HIVEP1: variants seen among roughly 807,000 people sequenced by gnomAD.
HIVEP1 encodes HIVEP zinc finger 1, also known as zinc finger protein 40.
A neutral mutation model predicts 180.0 loss-of-function variants in HIVEP1; 36 were observed. That is an observed-to-expected ratio of 0.20 (90% CI 0.15 to 0.26). The LOEUF is 0.26. Among genes scored for constraint, HIVEP1 ranks in the 10% least tolerant of loss-of-function variants. HIVEP1 has a pLI of 1.00. For synonymous variants in HIVEP1, 1,239 were observed against 1,239.0 expected, an observed-to-expected ratio of 1.00 and a Z score of 0.00; for missense variants, 3,143 against 3,268.7, an observed-to-expected ratio of 0.96 and a Z score of 0.94.
rs542485759 is a variant in HIVEP1 at position 12,150,346 on chromosome 6, C to T, written c.6488-11093C>T. 9.9e-5 allele frequency among the ~76,000 whole-genome samples: 15 copies of T among 152,258 alleles called. No homozygotes were observed. The East Asian group carries it at 1.5e-3, about 16-fold the overall frequency. Reference sequence around the variant, plus strand: ...TCAACAAATGCTGGACTTCAGTGCACGGAATGTTAATGTGTACCCTCAGCC... The same window carrying T: ...TCAACAAATGCTGGACTTCAGTGCATGGAATGTTAATGTGTACCCTCAGCC... On this transcript the variant is annotated intron_variant, in intron 7 of 8. Transcript: ENST00000379388.
intron 3 of HIVEP1, among the ~76,000 whole-genome samples, chr6:12,108,305 T>C (rs1204279724): frequency 6.6e-6 from 1 of 152,206 alleles, no homozygotes; most frequent in African/African-American, 2.4e-5. Context: ...CCCACCAGAC[T>C]CAGGAGCCCA....
At chr6:12,109,985 A>G (rs1774780766) in intron 3 of HIVEP1, among the ~76,000 whole-genome samples, 2 of 152,260 alleles carry the variant, frequency 1.3e-5, no homozygotes, top group Non-Finnish European at 1.5e-5. Flanking sequence ...TGAAAACAAC[A>G]TTCATCTTCT....
chr6:12,081,600 G>C (rs970440446), intron 2 of HIVEP1, among the ~76,000 whole-genome samples: 1 of 151,904 alleles, frequency 6.6e-6, no homozygotes, highest in Non-Finnish European at 1.5e-5. Flanking sequence ...TTGATGCCCT[G>C]CTCTGCTTTC....
intron 2 of HIVEP1, among the ~76,000 whole-genome samples, chr6:12,016,863 C>T (rs570763353): frequency 6.6e-6 from 1 of 152,290 alleles, no homozygotes; most frequent in African/African-American, 2.4e-5. Flanking sequence ...GTAGGAAAAG[C>T]CTCCAGACCC....
chr6:12,185,673 A>G, the HIVEP1 span, among the ~76,000 whole-genome samples: 1 of 152,250 alleles, frequency 6.6e-6, no homozygotes, highest in Admixed American at 6.5e-5. Flanking sequence ...ATGAATGGTT[A>G]ATAAGCACAT....
At chr6:12,179,277 G>C in the HIVEP1 span, among the ~76,000 whole-genome samples, 1 of 152,136 alleles carries the variant, frequency 6.6e-6, no homozygotes, top group Non-Finnish European at 1.5e-5. Context: ...ACTGAGGAAG[G>C]TGATAATGGA....
At chr6:12,098,522 A>G (rs1282897951) in intron 3 of HIVEP1, among the ~76,000 whole-genome samples, 1 of 152,194 alleles carries the variant, frequency 6.6e-6, no homozygotes, top group African/African-American at 2.4e-5. Flanking sequence ...CTGTTCATCT[A>G]TTTAGGCTTT....
Position 12,161,851 on chromosome 6 carries a change from T to G in HIVEP1, c.6900T>G (p.His2300Gln). 1 of 1,614,002 alleles carries G rather than the reference T, an allele frequency of 6.2e-7. No homozygotes were observed. Among genetic ancestry groups the G allele is most frequent in the Non-Finnish European group, 8.5e-7 (1 of 1,179,944 alleles). The change falls in exon 8 of 9, where the codon CAT (histidine) becomes CAG (glutamine). Residue 2300 changes from histidine to glutamine, a missense_variant. Transcript: ENST00000379388. ...TAGACACTTCCAGGTCCCCGTGTCA[T>G]CAGATGTCTGTGGACTACCCTGAGT... ...PSVDTSRSPC[H>Q]QMSVDYPESE...
At chr6:12,036,209 A>G (rs1769267871) in intron 2 of HIVEP1, among the ~76,000 whole-genome samples, 1 of 152,240 alleles carries the variant, frequency 6.6e-6, no homozygotes, top group Admixed American at 6.5e-5. Context: ...TTGTTCAAAG[A>G]GCTTGATTTT....
chr6:12,150,596 A>T (rs115535148), intron 7 of HIVEP1, among the ~76,000 whole-genome samples: 3 of 152,300 alleles, frequency 2.0e-5, no homozygotes, highest in Non-Finnish European at 4.4e-5. Flanking sequence ...TATAGAACAC[A>T]TTATTACTCT....
chr6:12,193,848 T>C, the HIVEP1 span, among the ~76,000 whole-genome samples: 2 of 152,236 alleles, frequency 1.3e-5, no homozygotes, highest in Admixed American at 6.5e-5. Context: ...CAAATACTAC[T>C]TCAAACTGGC....
intron 2 of HIVEP1, among the ~76,000 whole-genome samples, chr6:12,017,926 A>G (rs1317630512): frequency 6.6e-6 from 1 of 152,012 alleles, no homozygotes; most frequent in Non-Finnish European, 1.5e-5. Flanking sequence ...TGCCTGCACT[A>G]CTCAGCCCTT....
At chr6:12,108,102 A>G (rs533621792) in intron 3 of HIVEP1, among the ~76,000 whole-genome samples, 2 of 152,078 alleles carry the variant, frequency 1.3e-5, no homozygotes, top group Admixed American at 6.5e-5. Flanking sequence ...TATATTTACA[A>G]TCCCTGAGCT....
At chr6:12,127,550 G>A (rs542174794) in intron 4 of HIVEP1, among the ~76,000 whole-genome samples, 1 of 152,248 alleles carries the variant, frequency 6.6e-6, no homozygotes, top group African/African-American at 2.4e-5. Flanking sequence ...GCTTAGGAGA[G>A]AGCTCTGGAT....
At chr6:12,105,732 T>C (rs1774383859) in intron 3 of HIVEP1, among the ~76,000 whole-genome samples, 1 of 152,140 alleles carries the variant, frequency 6.6e-6, no homozygotes, top group South Asian at 2.1e-4. Context: ...ACACACTCCT[T>C]AGTTTTTATG....
In HIVEP1 at chr6:12,124,050, G is replaced by A; in HGVS notation, c.4255G>A (p.Val1419Met). The A allele has an allele frequency of 1.2e-6, 2 of 1,614,096 alleles. No individual in the cohort carries two copies. The highest frequency in any genetic ancestry group is 1.1e-5 in the South Asian group (1 of 91,064). ...SPSRVGVTGH[V>M]PLLERRRGPL... Reference sequence around the variant, plus strand: ...TTCTCGAGTGGGAGTGACTGGGCATGTGCCTCTCTTAGAAAGAAGGAGAGG... The same window carrying A: ...TTCTCGAGTGGGAGTGACTGGGCATATGCCTCTCTTAGAAAGAAGGAGAGG... Residue 1419 changes from valine to methionine, a missense_variant, in exon 4 of 9, where the codon GTG becomes ATG. By Grantham distance (21) the Val-to-Met change is conservative. Coordinates refer to ENST00000379388, the MANE Select transcript of HIVEP1 (RefSeq NM_002114.4).
intron 3 of HIVEP1, among the ~76,000 whole-genome samples, chr6:12,111,361 G>A (rs78389741): frequency 5.9e-5 from 9 of 152,188 alleles, no homozygotes; most frequent in Non-Finnish European, 1.2e-4. Context: ...CTTTTGCTGC[G>A]TAACAAATTC....
intron 3 of HIVEP1, among the ~76,000 whole-genome samples, chr6:12,111,308 A>G (rs899741574): frequency 2.0e-5 from 3 of 152,272 alleles, no homozygotes; most frequent in Non-Finnish European, 4.4e-5. Flanking sequence ...AAAGCACAGT[A>G]TCTGCGAAGC....
chr6:12,107,358 C>G (rs920639292), intron 3 of HIVEP1, among the ~76,000 whole-genome samples: 1 of 152,170 alleles, frequency 6.6e-6, no homozygotes, highest in East Asian at 1.9e-4. Flanking sequence ...GAATGATCAT[C>G]TGAGTCTTTA....
Sources: gnomAD v4.1 joint callset for allele counts (sites outside exome capture counted in the v4.1 genomes callset) on GRCh38, gnomAD v4.1.1 for gene constraint, MANE v1.5 for transcripts, NCBI Gene and HGNC (gene_info 2026-07-23, HGNC 2026-07-21) for gene names.